Variants in COP1 observed in about 807,000 individuals in gnomAD.
COP1 encodes the protein COP1 E3 ubiquitin ligase, also known as E3 ubiquitin-protein ligase COP1.
Under a neutral mutation model 101.3 loss-of-function variants are expected in COP1, and 24 were observed. That is an observed-to-expected ratio of 0.24 (90% CI 0.17 to 0.33). COP1 has a LOEUF of 0.33. COP1 is among the 10% of genes least tolerant of loss of function. COP1 has a pLI of 1.00. For synonymous variants in COP1, 347 were observed against 341.9 expected, an observed-to-expected ratio of 1.01 and a Z score of -0.17; for missense variants, 663 against 906.2, an observed-to-expected ratio of 0.73 and a Z score of 3.45.
intron 6 of COP1, among the ~76,000 whole-genome samples, chr1:176,146,171 G>A (rs956484120): frequency 6.6e-6 from 1 of 152,108 alleles, no homozygotes; most frequent in South Asian, 2.1e-4. Flanking sequence ...AAATGAAACA[G>A]AAGGGAATCA....
chr1:176,099,017 A>C (rs2149492006), intron 9 of COP1, among the ~76,000 whole-genome samples: 1 of 152,360 alleles, frequency 6.6e-6, no homozygotes, highest in South Asian at 2.1e-4. Flanking sequence ...CAAAAATTCT[A>C]ATGTCTAAAG....
rs376197350 is a variant in COP1 at position 176,071,129 on chromosome 1, A to G, written c.1277+10023T>C. On this transcript the variant is annotated intron_variant, in intron 11 of 19. Transcript: ENST00000367669. ...GTAGGGCCTGATGGGAGGTGACTGA[A>G]TCATGGAGATGAATCCCTCATGGCT... 2.1e-4 allele frequency among the ~76,000 whole-genome samples: 32 copies of G among 152,300 alleles called. No individual in the cohort carries two copies. In the East Asian group the frequency reaches 4.4e-3, roughly 21 times the overall value.
chr1:176,028,872 C>T (rs1668191792), intron 14 of COP1, among the ~76,000 whole-genome samples: 1 of 151,402 alleles, frequency 6.6e-6, no homozygotes, highest in South Asian at 2.1e-4. Flanking sequence ...ATTCTCCCCA[C>T]TCAGCCTCCC....
At chr1:176,131,956 C>T (rs983319161) in intron 8 of COP1, among the ~76,000 whole-genome samples, 1 of 151,596 alleles carries the variant, frequency 6.6e-6, no homozygotes, top group African/African-American at 2.4e-5. Context: ...TTAATGACAG[C>T]TTTGCAAGCA....
chr1:176,189,737 G>T (rs1247540439), intron 1 of COP1, among the ~76,000 whole-genome samples: 1 of 149,990 alleles, frequency 6.7e-6, no homozygotes, highest in Admixed American at 6.7e-5. Flanking sequence ...GGTTCCCAAA[G>T]GAAAAAGAAA....
chr1:176,097,558 T>C (rs1682626174), intron 9 of COP1, among the ~76,000 whole-genome samples: 1 of 146,634 alleles, frequency 6.8e-6, no homozygotes, highest in Admixed American at 6.7e-5. Flanking sequence ...AAAAAAGCTC[T>C]TTTTTTTATA....
intron 11 of COP1, among the ~76,000 whole-genome samples, chr1:176,070,924 A>T (rs1676887303): frequency 6.6e-6 from 1 of 152,132 alleles, no homozygotes; most frequent in East Asian, 1.9e-4. Context: ...AAGCAATGGT[A>T]TTATGGGCAT....
Position 176,052,189 on chromosome 1 carries a change from T to C in COP1, c.1278-5865A>G, listed in dbSNP as rs529670524. 3.2e-4 allele frequency among the ~76,000 whole-genome samples: 49 copies of C among 152,274 alleles called. 3 individuals carry two copies. In the East Asian group the frequency reaches 6.0e-3, roughly 19 times the overall value. On this transcript the variant is annotated intron_variant, in intron 11 of 19. Coordinates refer to ENST00000367669, the MANE Select transcript of COP1 (RefSeq NM_022457.7). ...CCTACATTTAGATACACAAATACCA[T>C]TGTGTTAAAGCTACCTACAGCATTC...
chr1:176,110,487 G>C (rs1472345711), intron 9 of COP1, among the ~76,000 whole-genome samples: 1 of 152,086 alleles, frequency 6.6e-6, no homozygotes, highest in Non-Finnish European at 1.5e-5. Context: ...ACATATCTCT[G>C]CTTCCTCATA....
chr1:176,093,762 C>G (rs566367068), intron 9 of COP1, among the ~76,000 whole-genome samples: 166 of 152,230 alleles, frequency 1.1e-3, no homozygotes, highest in African/African-American at 3.9e-3. Flanking sequence ...ATGCTGTGAA[C>G]CTGGGAGGCG....
At chr1:176,006,246 G>T (rs1196814481) in intron 15 of COP1, among the ~76,000 whole-genome samples, 2 of 151,996 alleles carry the variant, frequency 1.3e-5, no homozygotes, top group African/African-American at 4.8e-5. Flanking sequence ...GTGTGTCTCT[G>T]CACGTGAGAT....
intron 15 of COP1, among the ~76,000 whole-genome samples, chr1:175,998,077 A>AAAAAAAAAAAAAAAAAAAAAC: frequency 6.9e-6 from 1 of 145,934 alleles, no homozygotes. Flanking sequence ...AAAAAAAAAA[A>AAAAAAAAAAAAAAAAAAAAAC]AAAAAAAAAA....
chr1:176,131,384 G>A (rs879568982), intron 8 of COP1, among the ~76,000 whole-genome samples: 4 of 151,716 alleles, frequency 2.6e-5, no homozygotes, highest in Non-Finnish European at 5.9e-5. Context: ...TTCTGTGGGG[G>A]GCTGGGAAAG....
intron 15 of COP1, among the ~76,000 whole-genome samples, chr1:176,008,761 T>C (rs1664048774): frequency 6.6e-6 from 1 of 152,228 alleles, no homozygotes; most frequent in South Asian, 2.1e-4. Flanking sequence ...TGTGGTTTAA[T>C]GACTTCCCTG....
At chr1:175,970,162 T>A (rs1652951910) in intron 18 of COP1, among the ~76,000 whole-genome samples, 1 of 152,146 alleles carries the variant, frequency 6.6e-6, no homozygotes, top group Admixed American at 6.6e-5. Flanking sequence ...AACAAACAAT[T>A]CAAGATGAAT....
chr1:176,150,795 C>A (rs1376977917), intron 5 of COP1, among the ~76,000 whole-genome samples: 3 of 151,950 alleles, frequency 2.0e-5, no homozygotes, highest in African/African-American at 7.3e-5. Flanking sequence ...GAGAAAGTCC[C>A]CAAAATGTCA....
chr1:176,020,438 G>C (rs544412461), intron 15 of COP1, among the ~76,000 whole-genome samples: 1 of 151,992 alleles, frequency 6.6e-6, no homozygotes, highest in East Asian at 2.0e-4. Flanking sequence ...CAGCACTTTG[G>C]GAGGCCAAGG....
chr1:175,995,573 C>T (rs369829424), intron 15 of COP1, among the ~76,000 whole-genome samples: 3 of 152,042 alleles, frequency 2.0e-5, no homozygotes, highest in Non-Finnish European at 2.9e-5. Context: ...ATATCACCAC[C>T]GATCCCACAG....
chr1:175,981,269 T>C (rs1265287009), intron 18 of COP1, among the ~76,000 whole-genome samples: 1 of 152,168 alleles, frequency 6.6e-6, no homozygotes, highest in Non-Finnish European at 1.5e-5. Context: ...TTGCAAATGT[T>C]TTCCTTCCCA....
Sources: gnomAD v4.1 joint callset for allele counts (sites outside exome capture counted in the v4.1 genomes callset) on GRCh38, gnomAD v4.1.1 for gene constraint, MANE v1.5 for transcripts, NCBI Gene and HGNC (gene_info 2026-07-23, HGNC 2026-07-21) for gene names.